Variants in LMF1 observed in about 807,000 individuals in gnomAD.
LMF1 encodes the protein transmembrane protein 112.
In LMF1, 68 loss-of-function variants were observed where a neutral mutation model predicts 60.6. The observed-to-expected ratio is 1.12, with a 90% CI of 0.92 to 1.37. The LOEUF (loss-of-function observed/expected upper bound fraction) is 1.37, where lower values mean the gene tolerates loss of function less well. LMF1 is among the 40% of genes most tolerant of loss of function. The probability of loss-of-function intolerance (pLI) is 0.00; values close to 1 mark genes in which losing one functional copy is unlikely to be tolerated. For synonymous variants in LMF1, 418 were observed against 324.7 expected (o/e 1.29, Z -3.09); for missense variants, 948 against 767.2 (o/e 1.24, Z -2.78).
chr16:919,600 G>GTCCCACCCACAGACCCGC (rs370249149), intron 3 of LMF1, among the ~76,000 whole-genome samples: 7 of 152,196 alleles, frequency 4.6e-5, no homozygotes, highest in South Asian at 2.1e-4. Context: ...CAGGGAGGGC[G>GTCCCACCCACAGACCCGC]TCTGGACCGC....
chr16:861,842 C>T (rs887713030), intron 10 of LMF1, among the ~76,000 whole-genome samples: 1 of 152,210 alleles, frequency 6.6e-6, no homozygotes, highest in Non-Finnish European at 1.5e-5. Flanking sequence ...TTAGAGCAGA[C>T]GTCCTTTCTT....
Position 857,124 on chromosome 16 carries a change from G to A in LMF1, c.1530-2418C>T, listed in dbSNP as rs146318325. 5.4e-3 allele frequency among the ~76,000 whole-genome samples: 828 copies of A among 152,362 alleles called. 8 individuals are homozygous for A. The highest frequency in any genetic ancestry group is 0.018 in the African/African-American group (746 of 41,578). ...TCCTTCCTCCTCGTCGCTGACCGGC[G>A]TCTGCGGCGTGAGTGCACCCTAGTT... On this transcript the variant is annotated intron_variant, in intron 10 of 10. Coordinates refer to ENST00000262301, the MANE Select transcript of LMF1 (RefSeq NM_022773.4).
At chr16:950,608 G>A (rs1194761973) in intron 2 of LMF1, among the ~76,000 whole-genome samples, 1 of 141,866 alleles carries the variant, frequency 7.0e-6, no homozygotes, top group Non-Finnish European at 1.5e-5. Context: ...CAGAGACAAC[G>A]ACAGAGTTAG....
chr16:924,866 C>T (rs754540134), intron 3 of LMF1, among the ~76,000 whole-genome samples: 6 of 152,308 alleles, frequency 3.9e-5, no homozygotes, highest in South Asian at 2.1e-4. Flanking sequence ...TGATCTATGG[C>T]GGTTTAGGCA....
intron 5 of LMF1, chr16:883,982 TTATGGATTTGTC>T (rs2070236716): frequency 6.6e-6 from 1 of 152,228 alleles, no homozygotes; most frequent in Non-Finnish European, 1.5e-5. Context: ...ATCTCCAACT[TTATGGATTTGTC>T]TATGTCTGCT....
intron 4 of LMF1, among the ~76,000 whole-genome samples, chr16:894,683 G>A (rs1385569408): frequency 6.6e-6 from 1 of 152,212 alleles, no homozygotes; most frequent in Non-Finnish European, 1.5e-5. Context: ...GTGGGCTCTG[G>A]GGCAGCCGCA....
chr16:893,294 C>T (rs932284129), intron 4 of LMF1: 22 of 642,112 alleles, frequency 3.4e-5, no homozygotes, highest in Middle Eastern at 2.4e-4. Flanking sequence ...GTGCACACCG[C>T]GGGCGTGAGC....
chr16:900,542 C>T (rs2070780065), intron 4 of LMF1: 1 of 152,172 alleles, frequency 6.6e-6, no homozygotes, highest in Admixed American at 6.5e-5. Context: ...TGGAGTCTCA[C>T]TCTGTTGCCC....
At chr16:899,514 C>G (rs2070751388) in intron 4 of LMF1, 1 of 152,254 alleles carries the variant, frequency 6.6e-6, no homozygotes, top group Non-Finnish European at 1.5e-5. Context: ...CAGGGCGGGC[C>G]TGTCAGGGAA....
chr16:914,085 A>C (rs867294170), intron 3 of LMF1, among the ~76,000 whole-genome samples: 14 of 152,038 alleles, frequency 9.2e-5, no homozygotes, highest in Non-Finnish European at 1.3e-4. Context: ...CTGCAGCTAC[A>C]CGCACGGTCT....
chr16:946,864 G>T (rs1323429472), intron 2 of LMF1, among the ~76,000 whole-genome samples: 1 of 152,184 alleles, frequency 6.6e-6, no homozygotes, highest in Non-Finnish European at 1.5e-5. Flanking sequence ...GCAAGTATCT[G>T]CCAGCTGTGT....
chr16:930,152 C>T (rs12923891), intron 3 of LMF1, among the ~76,000 whole-genome samples: 20 of 134,252 alleles, frequency 1.5e-4, no homozygotes, highest in Middle Eastern at 4.1e-3. Context: ...TGAACGGGGG[C>T]GCAGGACCCT....
At chr16:885,303 GT>G (rs2070274933) in intron 5 of LMF1, among the ~76,000 whole-genome samples, 1 of 152,182 alleles carries the variant, frequency 6.6e-6, no homozygotes, top group Admixed American at 6.5e-5. Context: ...CCAGAGGAAG[GT>G]GTAAAATAAC....
At chr16:915,449 G>T (rs1476502013) in intron 3 of LMF1, among the ~76,000 whole-genome samples, 1 of 152,216 alleles carries the variant, frequency 6.6e-6, no homozygotes, top group East Asian at 1.9e-4. Flanking sequence ...CTATTTATGG[G>T]AATCAGAGGT....
At position 949,277 on chromosome 16, in the gene LMF1, C is replaced by T. The variant is rs373707015; in HGVS notation, c.503+5080G>A. 9.1e-4 allele frequency among the ~76,000 whole-genome samples: 128 copies of T among 140,754 alleles called. 4 individuals are homozygous for T. Among genetic ancestry groups the T allele is most frequent in the African/African-American group, 3.4e-3 (124 of 36,552 alleles). 92.3% of individuals were successfully genotyped at this position (140,754 alleles called of 152,430 possible). Reference sequence around the variant, plus strand: ...CAGCCAACGACAGAGTCAGAGACAACGACAGAGTCAGCCAATGACAGAGTC... The same window carrying T: ...CAGCCAACGACAGAGTCAGAGACAATGACAGAGTCAGCCAATGACAGAGTC... On this transcript the variant is annotated intron_variant, in intron 2 of 10. Transcript: ENST00000262301.
chr16:867,989 T>C (rs2069660884), intron 10 of LMF1, among the ~76,000 whole-genome samples: 1 of 152,048 alleles, frequency 6.6e-6, no homozygotes, highest in Admixed American at 6.5e-5. Context: ...TCCCGAGTGT[T>C]CTTGGAGGGA....
At chr16:923,185 TC>T (rs2071492431) in intron 3 of LMF1, among the ~76,000 whole-genome samples, 1 of 152,118 alleles carries the variant, frequency 6.6e-6, no homozygotes, top group South Asian at 2.1e-4. Context: ...AGGAGGCATT[TC>T]CAAATGCAGG....
rs1334521275 is a variant in LMF1, at chr16:878,637, T to C, written c.897+933A>G. ...TGAAACAGGACCCGGCCAACAACCA[T>C]GGGCGCCCCCACGTGCACCAACGTG... On this transcript the variant is annotated intron_variant, in intron 6 of 10. Coordinates refer to ENST00000262301, the MANE Select transcript of LMF1 (RefSeq NM_022773.4). This position sits in a 1 kb window ranked among gnomAD's most constrained non-coding sequence, Gnocchi z 5.2. Among the ~76,000 whole-genome samples, 3 of 150,218 alleles carry C rather than the reference T, an allele frequency of 2.0e-5. No individual in the cohort carries two copies. The highest frequency in any genetic ancestry group is 3.9e-4 in the East Asian group (2 of 5,076).
At chr16:901,025 CAG>C (rs957678679) in intron 4 of LMF1, 1 of 151,900 alleles carries the variant, frequency 6.6e-6, no homozygotes, top group African/African-American at 2.4e-5. Flanking sequence ...GCAGCCACCC[CAG>C]GACAGCCATG....
Sources: gnomAD v4.1 joint callset for allele counts (sites outside exome capture counted in the v4.1 genomes callset) on GRCh38, gnomAD v4.1.1 for gene constraint, Gnocchi (gnomAD v3.1) non-coding constraint, MANE v1.5 for transcripts, NCBI Gene and HGNC (gene_info 2026-07-23, HGNC 2026-07-21) for gene names.